The following TTYH1 variants were observed in gnomAD, a reference collection of about 807,000 sequenced individuals.
The protein encoded by TTYH1 is protein tweety homolog 1.
Under a neutral mutation model 61.2 loss-of-function variants are expected in TTYH1, and 33 were observed. That is an observed-to-expected ratio of 0.54 (90% CI 0.41 to 0.72). The LOEUF (loss-of-function observed/expected upper bound fraction) is 0.72, where lower values mean the gene tolerates loss of function less well. Among genes scored for constraint, TTYH1 ranks in the 30% least tolerant of loss-of-function variants. The pLI, the probability that TTYH1 is intolerant of heterozygous loss-of-function variation, is 0.00. For synonymous variants in TTYH1, 308 were observed against 266.4 expected (o/e 1.16, Z -1.52); for missense variants, 538 against 575.8 (o/e 0.93, Z 0.67).
chr19:54,421,172 G>A lies in TTYH1; in HGVS notation c.306-105G>A. The A allele has an allele frequency of 4.1e-6, 3 of 723,864 alleles. No individual in the cohort carries two copies. Among genetic ancestry groups the A allele is most frequent in the Non-Finnish European group, 7.3e-6 (3 of 409,894 alleles). 44.8% of individuals were successfully genotyped at this position (723,864 alleles called of 1,614,324 possible). The stretch of plus-strand genomic sequence containing the variant: ...GCCCAATGAGGTGGGGCTGAGATGG[G>A]AGGGGTGGATAAGAAGGCGAGGTGG... On this transcript the variant is annotated intron_variant, in intron 2 of 13. Coordinates refer to ENST00000376530, the MANE Select transcript of TTYH1 (RefSeq NM_020659.4). The surrounding 1 kb of genome is among the most constrained non-coding windows in gnomAD (Gnocchi z 4.8).
chr19:54,423,351 C>A (rs1467880938), intron 4 of TTYH1, among the ~76,000 whole-genome samples: 2 of 152,080 alleles, frequency 1.3e-5, no homozygotes, highest in Non-Finnish European at 2.9e-5. Flanking sequence ...GCAGGCGCCA[C>A]CACGCCCGGC....
rs1367050000 is a variant in TTYH1, at chr19:54,420,342, G to T, written c.306-935G>T. On this transcript the variant is annotated intron_variant, in intron 2 of 13. Transcript: ENST00000376530. This position sits in a 1 kb window ranked among gnomAD's most constrained non-coding sequence, Gnocchi z 4.8. Reference sequence around the variant, plus strand: ...TCCTCCTCCGGCTCTCTGGCGTGGGGGGAGACAGGGGAGGTGGACAAAGGC... The same window carrying T: ...TCCTCCTCCGGCTCTCTGGCGTGGGTGGAGACAGGGGAGGTGGACAAAGGC... 6.6e-6 allele frequency among the ~76,000 whole-genome samples: 1 copy of T among 152,198 alleles called. No homozygotes were observed. The highest frequency in any genetic ancestry group is 1.9e-4 in the East Asian group (1 of 5,186).
At chr19:54,428,750 C>G (rs1271283139) in intron 5 of TTYH1, among the ~76,000 whole-genome samples, 4 of 152,174 alleles carry the variant, frequency 2.6e-5, no homozygotes, top group Admixed American at 6.5e-5. Context: ...GGCTTGCAGA[C>G]CCATAAACCT....
intron 4 of TTYH1, among the ~76,000 whole-genome samples, chr19:54,423,630 C>T (rs1452016150): frequency 6.6e-6 from 1 of 152,304 alleles, no homozygotes; most frequent in Admixed American, 6.5e-5. Context: ...GGAATCGGGG[C>T]AGCGTCCCCC....
At chr19:54,430,635 T>A (rs2083418575) in intron 8 of TTYH1, 30 bp downstream of exon 8, 1 of 1,611,212 alleles carries the variant, frequency 6.2e-7, no homozygotes, top group Non-Finnish European at 8.5e-7. Flanking sequence ...GAAACGGGTG[T>A]TGAGGGAGCC....
At chr19:54,424,431 G>A (rs757379147) in intron 4 of TTYH1, among the ~76,000 whole-genome samples, 9 of 152,252 alleles carry the variant, frequency 5.9e-5, no homozygotes, top group African/African-American at 1.7e-4. Context: ...GGGATGCTGC[G>A]CTCCAGCGGG....
chr19:54,430,383 G>A lies in TTYH1; in HGVS notation c.884-167G>A, dbSNP rs558635657. Among the ~76,000 whole-genome samples, 337 of 152,296 alleles carry A rather than the reference G, an allele frequency of 2.2e-3. 3 individuals carry two copies. Among genetic ancestry groups the A allele is most frequent in the African/African-American group, 7.7e-3 (319 of 41,554 alleles). On this transcript the variant is annotated intron_variant, in intron 7 of 13. Coordinates refer to ENST00000376530, the MANE Select transcript of TTYH1 (RefSeq NM_020659.4). ...CCAGCGCCTGCTCTGGCTGTGGCAG[G>A]AGCAGAAGGGACGCGGGGCTGGCGG...
At chr19:54,426,244 G>C (rs964840672) in intron 4 of TTYH1, among the ~76,000 whole-genome samples, 1 of 152,192 alleles carries the variant, frequency 6.6e-6, no homozygotes, top group Non-Finnish European at 1.5e-5. Context: ...AAGCGGAGGG[G>C]CTGGGGTTGA....
At chr19:54,427,177 G>A (rs2083337673) in intron 5 of TTYH1, among the ~76,000 whole-genome samples, 1 of 150,824 alleles carries the variant, frequency 6.6e-6, no homozygotes, top group East Asian at 2.0e-4. Context: ...TGCGCCTGTA[G>A]TCCCAGCTAC....
chr19:54,418,400 T>C (rs1412051090), intron 1 of TTYH1: 1 of 152,586 alleles, frequency 6.6e-6, no homozygotes, highest in Non-Finnish European at 1.5e-5. Flanking sequence ...TCCCTTTTGC[T>C]CTCTGCCTTT....
intron 8 of TTYH1, 36 bp from the exon 9 acceptor site, chr19:54,430,777 T>G: frequency 6.2e-7 from 1 of 1,606,306 alleles, no homozygotes; most frequent in South Asian, 1.1e-5. Flanking sequence ...GGGCGTATAC[T>G]CCTGGGTCCT....
At chr19:54,424,873 C>T (rs57551831) in intron 4 of TTYH1, among the ~76,000 whole-genome samples, 4,643 of 152,212 alleles carry the variant, frequency 0.031, 101 homozygotes, top group South Asian at 0.086. Context: ...TACTACGTGC[C>T]GGGCACTGTG....
rs945482967 is a variant in TTYH1 at position 54,435,098 on chromosome 19, G to T, written c.1126-444G>T. The T allele has an allele frequency of 3.6e-5, 6 of 166,922 alleles. No homozygotes were observed. In the East Asian group the frequency reaches 1.0e-3, roughly 29 times the overall value. 10.3% of individuals were successfully genotyped at this position (166,922 alleles called of 1,614,324 possible). A position where few individuals can be genotyped will look rare whatever the true frequency, so the allele number is the denominator to read the frequency against. On this transcript the variant is annotated intron_variant, in intron 10 of 13. Transcript: ENST00000376530. ...CCTGTGGGCGCTTGGTGCAGGGGAG[G>T]ATGCTCTTGCAGGAGGTGCCGCTGC...
Position 54,416,993 on chromosome 19 carries a change from CG to C in TTYH1, c.126+1318del, listed in dbSNP as rs889697644. The C allele has an allele frequency of 6.7e-6, 8 of 1,199,508 alleles. No individual in the cohort carries two copies. The highest frequency in any genetic ancestry group is 8.5e-6 in the Non-Finnish European group (8 of 946,352). 74.3% of individuals were successfully genotyped at this position (1,199,508 alleles called of 1,614,324 possible). A position where few individuals can be genotyped will look rare whatever the true frequency, so the allele number is the denominator to read the frequency against. ...TCAGGGTCAGGGTGGCAGGGATGCG[CG>C]GGCAGAGCCCCACAGCCGAGGAGGG... On this transcript the variant is annotated intron_variant, in intron 1 of 13. Coordinates refer to ENST00000376530, the MANE Select transcript of TTYH1 (RefSeq NM_020659.4). The surrounding 1 kb of genome is among the most constrained non-coding windows in gnomAD (Gnocchi z 7.0).
In TTYH1 at chr19:54,429,249, A is replaced by C; in HGVS notation, c.735-58A>C. 1.3e-6 allele frequency: 2 copies of C among 1,536,310 alleles called. No homozygotes were observed. The highest frequency in any genetic ancestry group is 1.8e-6 in the Non-Finnish European group (2 of 1,109,642). ...GGCTGTGATGGGATTTGGGGTGTGG[A>C]AAGAGGCTAGGCTAGGAGATTAAGA... On this transcript the variant is annotated intron_variant, in intron 5 of 13. Coordinates refer to ENST00000376530, the MANE Select transcript of TTYH1 (RefSeq NM_020659.4). This position sits in a 1 kb window ranked among gnomAD's most constrained non-coding sequence, Gnocchi z 5.1.
At chr19:54,431,237 G>T (rs1175756396) in intron 10 of TTYH1, 46 bp downstream of exon 10, 2 of 1,406,576 alleles carry the variant, frequency 1.4e-6, no homozygotes, top group African/African-American at 2.8e-5. Context: ...GGGGGCCTCT[G>T]TCTCGACCCA....
intron 12 of TTYH1, 90 bp downstream of exon 12, chr19:54,435,963 G>C (rs1240622427): frequency 1.3e-5 from 21 of 1,586,086 alleles, no homozygotes; most frequent in Non-Finnish European, 1.7e-5. Flanking sequence ...TGGCCGCCTG[G>C]GTCTGAGGGA....
intron 4 of TTYH1, among the ~76,000 whole-genome samples, chr19:54,424,821 T>G (rs1362167039): frequency 6.6e-6 from 1 of 152,096 alleles, no homozygotes; most frequent in Non-Finnish European, 1.5e-5. Context: ...AGCCCAAGCT[T>G]GTGGGGCCTG....
At chr19:54,424,334 A>G (rs984322921) in intron 4 of TTYH1, among the ~76,000 whole-genome samples, 1 of 152,130 alleles carries the variant, frequency 6.6e-6, no homozygotes, top group Non-Finnish European at 1.5e-5. Context: ...TTTGACCATT[A>G]GTAATCATTC....
Sources: allele counts gnomAD v4.1 joint callset (sites outside exome capture counted in the v4.1 genomes callset), GRCh38; gene constraint gnomAD v4.1.1; non-coding constraint Gnocchi (gnomAD v3.1); transcripts MANE v1.5; gene names NCBI Gene and HGNC (gene_info 2026-07-23, HGNC 2026-07-21).